Variants in SYNJ2 observed in about 807,000 individuals in gnomAD.
SYNJ2 encodes the protein synaptojanin 2.
A neutral mutation model predicts 141.3 loss-of-function variants in SYNJ2; 116 were observed. The observed-to-expected ratio is 0.82, with a 90% CI of 0.71 to 0.96. The LOEUF (loss-of-function observed/expected upper bound fraction) is 0.96, where lower values mean the gene tolerates loss of function less well. Ranked by LOEUF, SYNJ2 falls within the 40% of genes least tolerant of loss-of-function variation. The pLI is 0.00. For missense variants in SYNJ2, 1,873 were observed against 1,934.8 expected, an observed-to-expected ratio of 0.97 and a Z score of 0.60; for synonymous variants, 745 against 777.7, an observed-to-expected ratio of 0.96 and a Z score of 0.70.
chr6:158,046,110 T>C (rs1780223513), intron 5 of SYNJ2, among the ~76,000 whole-genome samples: 1 of 152,020 alleles, frequency 6.6e-6, no homozygotes, highest in East Asian at 1.9e-4. Context: ...GCCTGGCTAA[T>C]TTTTTTTGTA....
intron 26 of SYNJ2, among the ~76,000 whole-genome samples, chr6:158,094,886 G>A (rs1395834103): frequency 1.3e-5 from 2 of 152,192 alleles, no homozygotes; most frequent in African/African-American, 2.4e-5. Flanking sequence ...GGTGGCTCAC[G>A]CGTGTAATCC....
rs1781794755 is a variant in SYNJ2, at chr6:158,069,690, T to C, written c.1940+17T>C. On this transcript the variant is annotated intron_variant, in intron 14 of 26. Coordinates refer to ENST00000355585, the MANE Select transcript of SYNJ2 (RefSeq NM_003898.4). ...GTTCATCAGGTAAGAACATTCTGTT[T>C]ACACACATCTGGGGAACAAGGGGTT... 6.3e-7 allele frequency: 1 copy of C among 1,597,360 alleles called. No individual in the cohort carries two copies. The highest frequency in any genetic ancestry group is 1.3e-5 in the African/African-American group (1 of 74,594).
intron 6 of SYNJ2, 151 bp downstream of exon 6, chr6:158,055,179 G>A: frequency 1.3e-6 from 1 of 743,170 alleles, no homozygotes; most frequent in African/African-American, 1.8e-5. Context: ...ATGCAAGAAG[G>A]GAGATGACAA....
Position 157,989,909 on chromosome 6 carries a change from G to T in SYNJ2, c.127+7821G>T, listed in dbSNP as rs374051861. On this transcript the variant is annotated intron_variant, in intron 1 of 26. Coordinates refer to ENST00000355585, the MANE Select transcript of SYNJ2 (RefSeq NM_003898.4). ...TCTTCCTGACCCTGTGGGCTTTTCTGGGGGGGGCTAGGAGGCTCTGCCAAG... is the reference window on the plus strand; with the variant it reads ...TCTTCCTGACCCTGTGGGCTTTTCTTGGGGGGGCTAGGAGGCTCTGCCAAG... Among the ~76,000 whole-genome samples the T allele has an allele frequency of 3.1e-3, 283 of 89,910 alleles. 4 individuals are homozygous for T. The highest frequency in any genetic ancestry group is 9.0e-3 in the African/African-American group (227 of 25,116). 59.0% of individuals were successfully genotyped at this position (89,910 alleles called of 152,430 possible). A position where few individuals can be genotyped will look rare whatever the true frequency, so the allele number is the denominator to read the frequency against.
In SYNJ2 at chr6:158,017,304, C is replaced by T. The variant is rs759060805; in HGVS notation, c.214+14C>T. ...GGCTGAAATCTGGTGAGTAGCCGCT[C>T]GCTGGAGGAGCAGGCGCCAGGCTCC... On this transcript the variant is annotated intron_variant, in intron 2 of 26. Coordinates refer to ENST00000355585, the MANE Select transcript of SYNJ2 (RefSeq NM_003898.4). 35 of 1,607,290 alleles carry T rather than the reference C, an allele frequency of 2.2e-5. 1 individual carries two copies. The Middle Eastern group carries it at 5.0e-4, about 23-fold the overall frequency.
chr6:158,050,897 C>A (rs965056022), intron 5 of SYNJ2, among the ~76,000 whole-genome samples: 2 of 151,932 alleles, frequency 1.3e-5, no homozygotes, highest in Non-Finnish European at 2.9e-5. Flanking sequence ...GGGGATTCAG[C>A]GTCTCCCATC....
chr6:158,039,468 T>C (rs527448672), intron 4 of SYNJ2, among the ~76,000 whole-genome samples: 4 of 152,318 alleles, frequency 2.6e-5, no homozygotes, highest in African/African-American at 9.6e-5. Context: ...GATTTACCTG[T>C]TTCAGGTGCC....
Position 158,069,584 on chromosome 6 carries a change from C to G in SYNJ2, c.1851C>G (p.Arg617=). The change falls in exon 14 of 27, where the codon CGC becomes CGG. Residue 617 remains arginine, a synonymous_variant. Coordinates refer to ENST00000355585, the MANE Select transcript of SYNJ2 (RefSeq NM_003898.4). The part of the protein sequence containing the change: ...WGEQLQKAIS[R]SHRYILLTSA... ...AACAGCTTCAGAAAGCCATCTCACG[C>G]TCTCATAGATACATTCTGTTGACTT... is the stretch of plus-strand genomic sequence containing the variant. 1.9e-6 allele frequency: 3 copies of G among 1,614,056 alleles called. No individual in the cohort carries two copies. Among genetic ancestry groups the G allele is most frequent in the Non-Finnish European group, 2.5e-6 (3 of 1,179,942 alleles).
In SYNJ2 at chr6:158,084,916, T is replaced by C. The variant is rs903463725; in HGVS notation, c.3208+742T>C. Among the ~76,000 whole-genome samples the C allele has an allele frequency of 2.0e-5, 3 of 151,944 alleles. No individual in the cohort carries two copies. Among genetic ancestry groups the C allele is most frequent in the African/African-American group, 7.3e-5 (3 of 41,330 alleles). On this transcript the variant is annotated intron_variant, in intron 22 of 26. Coordinates refer to ENST00000355585, the MANE Select transcript of SYNJ2 (RefSeq NM_003898.4). The surrounding 1 kb of genome is among the most constrained non-coding windows in gnomAD (Gnocchi z 5.0). ...ATGGTCACACTCATATAATATCATA[T>C]TATTATACAGTCATGTCATACGGTC... is the stretch of plus-strand genomic sequence containing the variant.
chr6:158,066,522 G>A lies in SYNJ2; in HGVS notation c.1604G>A (p.Gly535Glu), dbSNP rs758526992. ...TNFKRIRIAM[G>E]TWNVNGGKQF... The stretch of plus-strand genomic sequence containing the variant: ...TTCAAGCGGATCCGGATTGCTATGG[G>A]GACCTGGAACGTGAACGGAGGAAAG... The change falls in exon 12 of 27, where the codon GGG becomes GAG. Residue 535 changes from glycine (G) to glutamate (E), a missense_variant. Physicochemically the swap from Gly to Glu is moderately conservative, Grantham distance 98. Coordinates refer to ENST00000355585, the MANE Select transcript of SYNJ2 (RefSeq NM_003898.4). 4 of 1,614,198 alleles carry A rather than the reference G, an allele frequency of 2.5e-6. No individual in the cohort carries two copies. The highest frequency in any genetic ancestry group is 3.3e-4 in the Middle Eastern group (2 of 6,062).
At chr6:158,019,343 G>A (rs1778637310) in intron 2 of SYNJ2, among the ~76,000 whole-genome samples, 1 of 152,250 alleles carries the variant, frequency 6.6e-6, no homozygotes, top group Non-Finnish European at 1.5e-5. Flanking sequence ...CTTTCTGAAA[G>A]GGACAGGTGG....
intron 5 of SYNJ2, among the ~76,000 whole-genome samples, chr6:158,052,203 T>C (rs1188312571): frequency 6.6e-6 from 1 of 152,142 alleles, no homozygotes; most frequent in Non-Finnish European, 1.5e-5. Context: ...GAAGCAAAAC[T>C]AAAGAGTGCA....
intron 1 of SYNJ2, among the ~76,000 whole-genome samples, chr6:157,991,351 G>T (rs1345418546): frequency 6.6e-6 from 1 of 152,172 alleles, no homozygotes; most frequent in Non-Finnish European, 1.5e-5. Context: ...GGCAAATCGG[G>T]TTCTGCCTCG....
At chr6:157,995,291 G>A (rs1042115420) in intron 1 of SYNJ2, among the ~76,000 whole-genome samples, 8 of 152,164 alleles carry the variant, frequency 5.3e-5, no homozygotes, top group African/African-American at 1.9e-4. Context: ...AAGTTGCTGA[G>A]AGCGTCTCAG....
chr6:158,092,110 T>TA lies in SYNJ2; in HGVS notation c.3566-816_3566-815insA, dbSNP rs1161014300. ...TGTGAATTATGTCACAATAAAGCTG[T>TA]TAAAAAAAAAAAAACTCTAGAGATG... On this transcript the variant is annotated intron_variant, in intron 25 of 26. Coordinates refer to ENST00000355585, the MANE Select transcript of SYNJ2 (RefSeq NM_003898.4). 3.1e-3 allele frequency among the ~76,000 whole-genome samples: 283 copies of TA among 92,214 alleles called. 2 individuals carry two copies. Among genetic ancestry groups the TA allele is most frequent in the African/African-American group, 0.013 (278 of 20,614 alleles). 60.5% of individuals were successfully genotyped at this position (92,214 alleles called of 152,430 possible).
At chr6:157,988,109 C>T (rs915697592) in intron 1 of SYNJ2, among the ~76,000 whole-genome samples, 6 of 152,268 alleles carry the variant, frequency 3.9e-5, no homozygotes, top group African/African-American at 1.4e-4. Flanking sequence ...GTGCAGCCTG[C>T]TCAGCCCCCT....
rs140542372 is a variant in SYNJ2, at chr6:158,017,892, G to T, written c.214+602G>T. 1.1e-3 allele frequency: 470 copies of T among 440,774 alleles called. 1 individual carries two copies. The highest frequency in any genetic ancestry group is 8.8e-3 in the African/African-American group (430 of 48,932). The allele number at this position is 440,774 out of a possible 1,614,324, so 27.3% of individuals were successfully genotyped here. A position where few individuals can be genotyped will look rare whatever the true frequency, so the allele number is the denominator to read the frequency against. On this transcript the variant is annotated intron_variant, in intron 2 of 26. Coordinates refer to ENST00000355585, the MANE Select transcript of SYNJ2 (RefSeq NM_003898.4). ...CCAGAGAAGCTCGTCTTCATTGCTT[G>T]CCGGCGAGGGCCTAAGTGTTTCGAA... is the stretch of plus-strand genomic sequence containing the variant.
intron 16 of SYNJ2, among the ~76,000 whole-genome samples, chr6:158,076,255 T>C (rs1022775795): frequency 2.1e-4 from 32 of 152,196 alleles, no homozygotes; most frequent in Middle Eastern, 3.4e-3. Flanking sequence ...TCAACAAACA[T>C]AGATGAAGGC....
intron 2 of SYNJ2, chr6:158,028,065 GTGCGAGGTCAT>G (rs1377847594): frequency 6.5e-6 from 1 of 152,832 alleles, no homozygotes; most frequent in African/African-American, 2.4e-5. Flanking sequence ...AGAGCCCAGG[GTGCGAGGTCAT>G]GCTTATGGCA....
Sources: allele counts gnomAD v4.1 joint callset (sites outside exome capture counted in the v4.1 genomes callset), GRCh38; gene constraint gnomAD v4.1.1; non-coding constraint Gnocchi (gnomAD v3.1); transcripts MANE v1.5; gene names NCBI Gene and HGNC (gene_info 2026-07-23, HGNC 2026-07-21).